CDH13: variants seen among roughly 807,000 people sequenced by gnomAD.
CDH13 encodes cadherin-13.
A neutral mutation model predicts 63.8 loss-of-function variants in CDH13; 24 were observed. The ratio of observed to expected loss-of-function variants is 0.38; its 90% CI spans 0.27 to 0.53. CDH13 has a LOEUF of 0.53. CDH13 is among the 20% of genes least tolerant of loss of function. The pLI is 0.85. For synonymous variants in CDH13, 503 were observed against 355.3 expected, an observed-to-expected ratio of 1.42 and a Z score of -4.67; for missense variants, 1,049 against 903.1, an observed-to-expected ratio of 1.16 and a Z score of -2.07.
At chr16:82,941,026 A>C (rs1373564429) in intron 2 of CDH13, among the ~76,000 whole-genome samples, 2 of 152,182 alleles carry the variant, frequency 1.3e-5, no homozygotes, top group Non-Finnish European at 2.9e-5. Context: ...ACAATACAAC[A>C]AGCATATGAC....
chr16:83,019,857 AT>A (rs1915184744), intron 2 of CDH13, among the ~76,000 whole-genome samples: 1 of 147,908 alleles, frequency 6.8e-6, no homozygotes, highest in Non-Finnish European at 1.5e-5. Flanking sequence ...AAAAAAAACA[AT>A]AAAAACGATA....
At chr16:83,370,540 T>A (rs148855575) in intron 6 of CDH13, among the ~76,000 whole-genome samples, 3,124 of 152,234 alleles carry the variant, frequency 0.021, 101 homozygotes, top group African/African-American at 0.071. Flanking sequence ...TCACAGGGGT[T>A]TGGTGTACAG....
chr16:83,077,102 G>A (rs568686781), intron 3 of CDH13, among the ~76,000 whole-genome samples: 31 of 149,330 alleles, frequency 2.1e-4, no homozygotes, highest in Non-Finnish European at 4.3e-4. Context: ...GAATGAAATC[G>A]TATGGTATAT....
chr16:83,519,512 G>A (rs1192440915), intron 7 of CDH13, among the ~76,000 whole-genome samples: 1 of 152,162 alleles, frequency 6.6e-6, no homozygotes, highest in Non-Finnish European at 1.5e-5. Context: ...AACTAACAGA[G>A]GAAGAAAATT....
chr16:83,023,751 G>A (rs889924194), intron 2 of CDH13, among the ~76,000 whole-genome samples: 1 of 152,184 alleles, frequency 6.6e-6, no homozygotes, highest in Non-Finnish European at 1.5e-5. Context: ...CATCAACAAA[G>A]TCAATAACAT....
intron 5 of CDH13, among the ~76,000 whole-genome samples, chr16:83,230,735 C>G (rs2039978594): frequency 6.6e-6 from 1 of 152,140 alleles, no homozygotes; most frequent in African/African-American, 2.4e-5. Context: ...AGTGGTGAGC[C>G]AAGATCATGC....
At chr16:82,924,695 A>C (rs1023253466) in intron 2 of CDH13, among the ~76,000 whole-genome samples, 2 of 152,332 alleles carry the variant, frequency 1.3e-5, no homozygotes, top group East Asian at 3.9e-4. Context: ...TGAGGTTTCC[A>C]GTGCAGTAGC....
chr16:83,470,998 G>T (rs981490033), intron 6 of CDH13, among the ~76,000 whole-genome samples: 1 of 151,900 alleles, frequency 6.6e-6, no homozygotes. Context: ...GGCTCCTGAC[G>T]CCTTCCTTGG....
chr16:83,700,723 A>G (rs1280142122), intron 10 of CDH13, among the ~76,000 whole-genome samples: 1 of 152,262 alleles, frequency 6.6e-6, no homozygotes, highest in East Asian at 1.9e-4. Context: ...AGCATAAAGA[A>G]GTAAATTAAA....
At chr16:83,488,438 G>C (rs897676788) in intron 7 of CDH13, among the ~76,000 whole-genome samples, 1 of 152,156 alleles carries the variant, frequency 6.6e-6, no homozygotes, top group African/African-American at 2.4e-5. Context: ...GTGAGAAACA[G>C]AAGCTAGAAA....
intron 5 of CDH13, among the ~76,000 whole-genome samples, chr16:83,338,477 T>G (rs2090649761): frequency 6.6e-6 from 1 of 152,210 alleles, no homozygotes; most frequent in African/African-American, 2.4e-5. Flanking sequence ...GGTCCAGGCT[T>G]CAGGATTTGC....
At chr16:83,073,852 GT>G (rs1214423153) in intron 3 of CDH13, among the ~76,000 whole-genome samples, 3 of 151,926 alleles carry the variant, frequency 2.0e-5, no homozygotes, top group Non-Finnish European at 4.4e-5. Flanking sequence ...TTATTTTTAA[GT>G]TTTTTATTGA....
At chr16:83,580,390 CA>C (rs1414147355) in intron 7 of CDH13, among the ~76,000 whole-genome samples, 1 of 150,520 alleles carries the variant, frequency 6.6e-6, no homozygotes, top group East Asian at 2.0e-4. Flanking sequence ...CAGGAAGGTC[CA>C]AAATCTAAGA....
At chr16:83,283,766 T>C (rs965439259) in intron 5 of CDH13, among the ~76,000 whole-genome samples, 1 of 152,184 alleles carries the variant, frequency 6.6e-6, no homozygotes, top group Non-Finnish European at 1.5e-5. Context: ...GAAATAACCT[T>C]CTTTTTGGAA....
At chr16:83,403,798 A>G (rs2092003742) in intron 6 of CDH13, among the ~76,000 whole-genome samples, 1 of 152,172 alleles carries the variant, frequency 6.6e-6, no homozygotes, top group Non-Finnish European at 1.5e-5. Context: ...TCCATAGAGA[A>G]TATTCTTACC....
intron 2 of CDH13, among the ~76,000 whole-genome samples, chr16:82,893,146 C>G (rs576851099): frequency 1.3e-5 from 2 of 152,328 alleles, no homozygotes; most frequent in East Asian, 3.9e-4. Context: ...AGCAAACAAA[C>G]AAGCAAACCT....
At chr16:83,066,457 G>A (rs1000206790) in intron 3 of CDH13, among the ~76,000 whole-genome samples, 10 of 152,164 alleles carry the variant, frequency 6.6e-5, no homozygotes, top group African/African-American at 1.9e-4. Flanking sequence ...CCTTCTGACC[G>A]AGGACCTCCT....
intron 1 of CDH13, among the ~76,000 whole-genome samples, chr16:82,658,713 C>A (rs368229815): frequency 1.3e-5 from 2 of 152,294 alleles, no homozygotes. Context: ...TGGTGGCTGC[C>A]ATGATGGTTT....
rs147947663 is a variant in CDH13, at chr16:83,120,983, C to T, written c.367-4402C>T. The stretch of plus-strand genomic sequence containing the variant: ...TTCACCTTGTTGGTCAGCCTGGTCT[C>T]GAACTCCTGACCTCGTGATCCTCCC... On this transcript the variant is annotated intron_variant, in intron 3 of 13. Transcript: ENST00000567109. 3.5e-4 allele frequency among the ~76,000 whole-genome samples: 53 copies of T among 152,086 alleles called. No individual in the cohort carries two copies. In the East Asian group the frequency reaches 9.3e-3, roughly 27 times the overall value.
Sources: allele counts gnomAD v4.1 joint callset (sites outside exome capture counted in the v4.1 genomes callset), GRCh38; gene constraint gnomAD v4.1.1; transcripts MANE v1.5; gene names NCBI Gene and HGNC (gene_info 2026-07-23, HGNC 2026-07-21).